Variants in AVEN observed in about 807,000 individuals in gnomAD.
The protein encoded by AVEN is apoptosis and caspase activation inhibitor.
A neutral mutation model predicts 38.1 loss-of-function variants in AVEN; 41 were observed. That is an observed-to-expected ratio of 1.08 (90% CI 0.84 to 1.40). The LOEUF is 1.40. AVEN is among the 40% of genes most tolerant of loss of function. The pLI, the probability that AVEN is intolerant of heterozygous loss-of-function variation, is 0.00. For missense variants in AVEN, 605 were observed against 438.8 expected (o/e 1.38, Z -3.38); for synonymous variants, 206 against 171.8 (o/e 1.20, Z -1.56).
At chr15:33,942,879 A>G (rs577971842) in intron 2 of AVEN, among the ~76,000 whole-genome samples, 10 of 152,384 alleles carry the variant, frequency 6.6e-5, no homozygotes, top group Non-Finnish European at 1.3e-4. Context: ...CACAAAAATC[A>G]TGATTTATTT....
chr15:33,991,506 TAA>T (rs34217107), intron 2 of AVEN: 26,753 of 145,582 alleles, frequency 0.18, 2,572 homozygotes, highest in Middle Eastern at 0.29. Context: ...AAATAAACTT[TAA>T]AAAAAAAAAA....
At position 33,985,529 on chromosome 15, in the gene AVEN, G is replaced by A. The variant is rs74974811; in HGVS notation, c.445+17503C>T. On this transcript the variant is annotated intron_variant, in intron 2 of 5. Transcript: ENST00000306730. ...GGTTGCTTGCTGGAAACACAACTAT[G>A]AGAAATTCAGACAAAGAGCAGTCAG... Among the ~76,000 whole-genome samples the A allele has an allele frequency of 7.5e-3, 1,137 of 152,000 alleles. 16 individuals are homozygous for A. Among genetic ancestry groups the A allele is most frequent in the African/African-American group, 0.026 (1,098 of 41,490 alleles).
At chr15:33,909,338 AC>A (rs1836834101) in intron 2 of AVEN, among the ~76,000 whole-genome samples, 1 of 152,174 alleles carries the variant, frequency 6.6e-6, no homozygotes, top group Non-Finnish European at 1.5e-5. Context: ...AAACAAACAA[AC>A]AAAAAAACCT....
At chr15:34,011,853 G>A (rs909361118) in intron 1 of AVEN, among the ~76,000 whole-genome samples, 2 of 152,204 alleles carry the variant, frequency 1.3e-5, no homozygotes, top group Non-Finnish European at 1.5e-5. Flanking sequence ...ATTTCTCAAA[G>A]TCAAGACCTT....
At chr15:33,862,403 T>C (rs1888613854), downstream of AVEN, among the ~76,000 whole-genome samples, 1 of 151,528 alleles carries the variant, frequency 6.6e-6, no homozygotes, top group Admixed American at 6.6e-5. Context: ...GAAGGGGCTT[T>C]GCTGTATTGC....
intron 2 of AVEN, among the ~76,000 whole-genome samples, chr15:33,939,153 T>C (rs2153053238): frequency 1.3e-5 from 2 of 152,314 alleles, no homozygotes; most frequent in Admixed American, 6.5e-5. Context: ...ACCTATTTCT[T>C]TCAACGGCAC....
chr15:34,075,076 C>G (rs897898444), exon 1 of AVEN, among the ~76,000 whole-genome samples: 1 of 150,292 alleles, frequency 6.7e-6, no homozygotes, highest in African/African-American at 2.5e-5. Context: ...ACTCAGGAGG[C>G]TGAGGCAGGA....
At position 33,866,267 on chromosome 15, in the gene AVEN, C is replaced by G. The variant is rs967382000; in HGVS notation, c.*346G>C. The stretch of plus-strand genomic sequence containing the variant: ...TTGTTTATTTTGGCCAAATGCATGC[C>G]TTGTTTGCATCTATTCTCTTAATCA... On this transcript the variant is annotated 3_prime_UTR_variant, in exon 6 of 6. Transcript: ENST00000306730. 8.6e-6 allele frequency: 2 copies of G among 232,504 alleles called. No homozygotes were observed. Among genetic ancestry groups the G allele is most frequent in the Admixed American group, 5.1e-5 (1 of 19,676 alleles). 14.4% of individuals were successfully genotyped at this position (232,504 alleles called of 1,614,324 possible).
chr15:33,873,410 G>T (rs1388771944), intron 3 of AVEN, among the ~76,000 whole-genome samples: 1 of 149,834 alleles, frequency 6.7e-6, no homozygotes, highest in Non-Finnish European at 1.5e-5. Flanking sequence ...CCTCTCTATT[G>T]TCTTGCGTCA....
At chr15:33,946,032 A>G (rs1441330366) in intron 2 of AVEN, among the ~76,000 whole-genome samples, 1 of 152,238 alleles carries the variant, frequency 6.6e-6, no homozygotes, top group Admixed American at 6.5e-5. Flanking sequence ...TGTCTGGCAC[A>G]TAGTCAGTAT....
At chr15:34,030,399 G>A (rs141277058) in intron 1 of AVEN, among the ~76,000 whole-genome samples, 2,764 of 152,092 alleles carry the variant, frequency 0.018, 82 homozygotes, top group African/African-American at 0.064. Flanking sequence ...AGGCTGGAGT[G>A]CAGTGGCGCA....
At chr15:33,945,721 G>C (rs781025357) in intron 2 of AVEN, among the ~76,000 whole-genome samples, 62 of 152,194 alleles carry the variant, frequency 4.1e-4, no homozygotes, top group Non-Finnish European at 5.4e-4. Flanking sequence ...GAGTAGCTGG[G>C]ACTACAGGTG....
intron 2 of AVEN, among the ~76,000 whole-genome samples, chr15:33,949,137 C>T (rs1894625197): frequency 1.3e-5 from 2 of 152,120 alleles, no homozygotes. Context: ...GATTCTCCTG[C>T]CTCAGCCTCC....
At chr15:33,895,066 T>C (rs1892179191) in intron 2 of AVEN, among the ~76,000 whole-genome samples, 1 of 151,982 alleles carries the variant, frequency 6.6e-6, no homozygotes, top group Non-Finnish European at 1.5e-5. Context: ...TCTTCAACTT[T>C]CCTCTAGTGC....
chr15:33,873,038 T>TCAAACTCCCACTCCCTTTAACTG (rs1891053192), intron 3 of AVEN, among the ~76,000 whole-genome samples: 1 of 149,006 alleles, frequency 6.7e-6, no homozygotes, highest in African/African-American at 2.5e-5. Context: ...TGTCTCCCTA[T>TCAAACTCCCACTCCCTTTAACTG]CAAACTCCCA....
At chr15:33,985,813 T>C (rs1371333978) in intron 2 of AVEN, among the ~76,000 whole-genome samples, 1 of 152,122 alleles carries the variant, frequency 6.6e-6, no homozygotes, top group Non-Finnish European at 1.5e-5. Context: ...TTAAGCTTCA[T>C]TCTATTAATT....
chr15:34,042,211 T>C (rs2140806589), upstream of AVEN, among the ~76,000 whole-genome samples: 1 of 152,302 alleles, frequency 6.6e-6, no homozygotes, highest in South Asian at 2.1e-4. Context: ...TCTTTTCTGG[T>C]ATTGCTTTTG....
rs549897679 is a variant in AVEN, at chr15:33,954,275, CA to C, written c.445+48756del. 3.7e-3 allele frequency among the ~76,000 whole-genome samples: 556 copies of C among 152,272 alleles called. 2 individuals are homozygous for C. The highest frequency in any genetic ancestry group is 0.013 in the African/African-American group (539 of 41,546). ...CTCAAGGATCTAGAACTAGAAATAC[CA>C]TTTGACCCAGCGATCCCATTACTGG... On this transcript the variant is annotated intron_variant, in intron 2 of 5. Transcript: ENST00000306730.
chr15:34,009,840 T>C (rs574241058), intron 1 of AVEN, among the ~76,000 whole-genome samples: 200 of 152,082 alleles, frequency 1.3e-3, no homozygotes, highest in African/African-American at 4.6e-3. Context: ...AAATAAAAAA[T>C]TAGCTGAGCA....
Sources: allele counts gnomAD v4.1 joint callset (sites outside exome capture counted in the v4.1 genomes callset), GRCh38; gene constraint gnomAD v4.1.1; transcripts MANE v1.5; gene names NCBI Gene and HGNC (gene_info 2026-07-23, HGNC 2026-07-21).